Variants in KYAT1 observed in about 807,000 individuals in gnomAD.
KYAT1 encodes the protein kynurenine--oxoglutarate transaminase 1.
A neutral mutation model predicts 52.4 loss-of-function variants in KYAT1; 47 were observed. That is an observed-to-expected ratio of 0.90 (90% CI 0.71 to 1.14). KYAT1 has a LOEUF of 1.14. KYAT1 is among the 50% of genes most tolerant of loss of function. The pLI is 0.00. For synonymous variants in KYAT1, 212 were observed against 209.6 expected (o/e 1.01, Z -0.10); for missense variants, 480 against 557.9 (o/e 0.86, Z 1.41).
chr9:128,841,661 A>G (rs1458447891), intron 3 of KYAT1, among the ~76,000 whole-genome samples: 2 of 139,070 alleles, frequency 1.4e-5, no homozygotes, highest in African/African-American at 5.4e-5. Context: ...GCGCCCCTGC[A>G]CTCCAGCCTG....
At chr9:128,864,029 G>A (rs1476234984) in intron 1 of KYAT1, among the ~76,000 whole-genome samples, 1 of 151,858 alleles carries the variant, frequency 6.6e-6, no homozygotes, top group Non-Finnish European at 1.5e-5. Flanking sequence ...GCTTTCCTGT[G>A]CTAGGTGCCC....
Position 128,845,397 on chromosome 9 carries a change from T to C in KYAT1, c.9A>G (p.Lys3=), listed in dbSNP as rs761348790. 3 of 1,613,752 alleles carry C rather than the reference T, an allele frequency of 1.9e-6. No individual in the cohort carries two copies. In the South Asian group the frequency reaches 3.3e-5, roughly 18 times the overall value. Residue 3 remains lysine (K), a synonymous_variant, in exon 2 of 13, where the codon AAA becomes AAG. Transcript: ENST00000302586. ...CGTCTAGCCTTCGGGCCTGCAGCTGTTTGGCCATGGCGAGCTGGAGACGAA... is the reference window on the plus strand; with the variant it reads ...CGTCTAGCCTTCGGGCCTGCAGCTGCTTGGCCATGGCGAGCTGGAGACGAA... MA[K]QLQARRLDGI...
chr9:128,875,122 T>G (rs1398663827), intron 1 of KYAT1, among the ~76,000 whole-genome samples: 1 of 152,202 alleles, frequency 6.6e-6, no homozygotes, highest in Non-Finnish European at 1.5e-5. Context: ...TTGATAAGTT[T>G]GCCTTCAAGA....
chr9:128,845,316 G>T (rs1221069141), intron 2 of KYAT1, 37 bp downstream of exon 2: 1 of 1,599,230 alleles, frequency 6.3e-7, no homozygotes, highest in Non-Finnish European at 8.6e-7. Flanking sequence ...CATGCCCGAG[G>T]GGACACCCAC....
chr9:128,876,888 A>C (rs1444276313), intron 1 of KYAT1, among the ~76,000 whole-genome samples: 5 of 149,298 alleles, frequency 3.3e-5, no homozygotes, highest in Admixed American at 6.7e-5. Context: ...CACCACGCCC[A>C]GCTAATTTAT....
rs1000896186 is a variant in KYAT1 at position 128,842,782 on chromosome 9, C to A, written c.73G>T (p.Ala25Ser). The A allele has an allele frequency of 1.2e-6, 2 of 1,613,802 alleles. No individual in the cohort carries two copies. The highest frequency in any genetic ancestry group is 1.7e-5 in the Admixed American group (1 of 60,000). ...AAGTTCACGACGTCATGCTCACTGGCCAGTTTCACAAACTCCACCCTGGGT... is the reference window on the plus strand; with the variant it reads ...AAGTTCACGACGTCATGCTCACTGGACAGTTTCACAAACTCCACCCTGGGT... ...YNPWVEFVKL[A>S]SEHDVVNLGQ... Residue 25 changes from alanine to serine, a missense_variant, in exon 3 of 13, where the codon GCC becomes TCC. Ala to Ser is a moderately conservative substitution (Grantham distance 99). Transcript: ENST00000302586.
intron 1 of KYAT1, among the ~76,000 whole-genome samples, chr9:128,853,113 T>C (rs1834154407): frequency 6.6e-6 from 1 of 152,142 alleles, no homozygotes; most frequent in Non-Finnish European, 1.5e-5. Flanking sequence ...TATAGTAAAA[T>C]TGTGTGGAAG....
intron 1 of KYAT1, among the ~76,000 whole-genome samples, chr9:128,864,118 T>A (rs533881676): frequency 6.6e-6 from 1 of 152,004 alleles, no homozygotes; most frequent in Non-Finnish European, 1.5e-5. Flanking sequence ...ATCCCAGCAC[T>A]TTGGGAGGCC....
intron 1 of KYAT1, among the ~76,000 whole-genome samples, chr9:128,879,235 G>T (rs1210395733): frequency 6.6e-6 from 1 of 152,104 alleles, no homozygotes; most frequent in South Asian, 2.1e-4. Flanking sequence ...GAGTGAACCC[G>T]GGAGGTGGAG....
chr9:128,838,025 A>G (rs1377397281), intron 5 of KYAT1, 26 bp downstream of exon 5: 3 of 1,610,258 alleles, frequency 1.9e-6, no homozygotes, highest in Non-Finnish European at 2.5e-6. Context: ...CCCTCTGCCC[A>G]TCCATCCTCT....
chr9:128,847,486 GC>G, intron 1 of KYAT1: 1 of 1,536,020 alleles, frequency 6.5e-7, no homozygotes, highest in Non-Finnish European at 8.7e-7. Flanking sequence ...CCCTGAAGGG[GC>G]CCCACCAGGT....
intron 1 of KYAT1, chr9:128,847,286 G>C: frequency 1.7e-6 from 1 of 596,602 alleles, no homozygotes; most frequent in South Asian, 2.2e-5. Context: ...GAGAAGCAGG[G>C]GCAAGGGAGA....
chr9:128,850,533 T>C (rs1296737566), intron 1 of KYAT1, among the ~76,000 whole-genome samples: 1 of 152,246 alleles, frequency 6.6e-6, no homozygotes, highest in Non-Finnish European at 1.5e-5. Flanking sequence ...AGGGGCACAA[T>C]GCACTGCAGA....
chr9:128,865,966 G>T (rs960414989), intron 1 of KYAT1, among the ~76,000 whole-genome samples: 3 of 152,154 alleles, frequency 2.0e-5, no homozygotes, highest in Non-Finnish European at 4.4e-5. Flanking sequence ...TCTATCGCTT[G>T]CACCAGACTG....
At chr9:128,863,537 C>CTCTGTG (rs1046358891) in intron 1 of KYAT1, among the ~76,000 whole-genome samples, 1 of 143,828 alleles carries the variant, frequency 7.0e-6, no homozygotes, top group Non-Finnish European at 1.5e-5. Flanking sequence ...GTGCACACAT[C>CTCTGTG]TCTGTGTCTG....
rs1475396734 is a variant in KYAT1 at position 128,846,828 on chromosome 9, G to A, written c.-6-1417C>T. The A allele has an allele frequency of 1.2e-5, 19 of 1,535,572 alleles. No individual in the cohort carries two copies. The South Asian group carries it at 2.0e-4, about 16-fold the overall frequency. ...TCCCAGATGGCTGGTGGGCCGTGGA[G>A]CTGGGGATCCAACATTCTTCTCAGC... On this transcript the variant is annotated intron_variant, in intron 1 of 12. Transcript: ENST00000302586.
intron 1 of KYAT1, among the ~76,000 whole-genome samples, chr9:128,873,452 G>A (rs1837528602): frequency 6.6e-6 from 1 of 151,628 alleles, no homozygotes; most frequent in Non-Finnish European, 1.5e-5. Flanking sequence ...CGTTATAAAA[G>A]TTTATCAAGG....
chr9:128,863,480 A>C (rs79380663), intron 1 of KYAT1, among the ~76,000 whole-genome samples: 2 of 151,534 alleles, frequency 1.3e-5, no homozygotes, highest in African/African-American at 2.4e-5. Context: ...AAAAAAAAAA[A>C]CCAAAACAAC....
rs77647578 is a variant in KYAT1, at chr9:128,880,749, T to A, written c.-7+1148A>T. ...GAACCACCGCGCCCGGCCCTGGCTA[T>A]GATATTGCTAAGTTTCCTAACCTCT... On this transcript the variant is annotated intron_variant, in intron 1 of 12. Coordinates refer to ENST00000302586, the MANE Select transcript of KYAT1 (RefSeq NM_004059.5). 8.0e-3 allele frequency among the ~76,000 whole-genome samples: 1,216 copies of A among 152,072 alleles called. 14 individuals are homozygous for A. The highest frequency in any genetic ancestry group is 0.028 in the African/African-American group (1,165 of 41,490).
Sources: gnomAD v4.1 joint callset for allele counts (sites outside exome capture counted in the v4.1 genomes callset) on GRCh38, gnomAD v4.1.1 for gene constraint, MANE v1.5 for transcripts, NCBI Gene and HGNC (gene_info 2026-07-23, HGNC 2026-07-21) for gene names.